Variants in ANO1 observed in about 807,000 individuals in gnomAD.
ANO1 encodes anoctamin-1.
Under a neutral mutation model 124.0 loss-of-function variants are expected in ANO1, and 59 were observed. The observed-to-expected ratio is 0.48, with a 90% CI of 0.39 to 0.59. The LOEUF (loss-of-function observed/expected upper bound fraction) is 0.59, where lower values mean the gene tolerates loss of function less well. ANO1 is among the 20% of genes least tolerant of loss of function. The pLI, the probability that ANO1 is intolerant of heterozygous loss-of-function variation, is 0.00. For synonymous variants in ANO1, 529 were observed against 532.0 expected (o/e 0.99, Z 0.08); for missense variants, 1,059 against 1,328.0 (o/e 0.80, Z 3.15).
chr11:70,045,109 G>T (rs1857238886), intron 1 of ANO1, among the ~76,000 whole-genome samples: 1 of 152,152 alleles, frequency 6.6e-6, no homozygotes, highest in African/African-American at 2.4e-5. Flanking sequence ...AGGCAAGTAA[G>T]AAATATAAGG....
intron 21 of ANO1, 48 bp downstream of exon 21, chr11:70,167,435 C>A: frequency 3.2e-6 from 5 of 1,571,170 alleles, no homozygotes; most frequent in Non-Finnish European, 4.3e-6. Flanking sequence ...AGAAACAGGC[C>A]AGCATGCCAC....
intron 21 of ANO1, among the ~76,000 whole-genome samples, chr11:70,169,650 C>T (rs2048381697): frequency 6.6e-6 from 1 of 152,186 alleles, no homozygotes; most frequent in African/African-American, 2.4e-5. Flanking sequence ...CTCATCCCCT[C>T]CAGGGGCCTC....
chr11:70,169,143 C>A (rs528408502), intron 21 of ANO1, among the ~76,000 whole-genome samples: 2 of 152,318 alleles, frequency 1.3e-5, no homozygotes, highest in South Asian at 4.1e-4. Flanking sequence ...ACGAGCACAG[C>A]CTGCAGTGGG....
At chr11:70,073,852 C>T (rs868972361), upstream of ANO1, among the ~76,000 whole-genome samples, 11 of 125,928 alleles carry the variant, frequency 8.7e-5, no homozygotes, top group South Asian at 3.3e-4. Context: ...CCCCGCCCCC[C>T]ACCCCCAAGA....
chr11:70,000,476 C>T (rs1319417113), intron 1 of ANO1, among the ~76,000 whole-genome samples: 1 of 128,868 alleles, frequency 7.8e-6, no homozygotes, highest in Non-Finnish European at 1.7e-5. Context: ...TACCATCATA[C>T]ACCCACCTGA....
chr11:70,106,805 CCATT>C (rs1314377001), intron 5 of ANO1, among the ~76,000 whole-genome samples: 1 of 152,212 alleles, frequency 6.6e-6, no homozygotes, highest in African/African-American at 2.4e-5. Flanking sequence ...CTCCTCCACA[CCATT>C]CAATCTGTCC....
At chr11:70,029,756 A>T (rs781907566) in intron 1 of ANO1, among the ~76,000 whole-genome samples, 1 of 151,814 alleles carries the variant, frequency 6.6e-6, no homozygotes, top group Non-Finnish European at 1.5e-5. Flanking sequence ...AGCAGGCCAC[A>T]CTCCCTCTAG....
chr11:70,143,084 C>T (rs1386704110), intron 11 of ANO1, among the ~76,000 whole-genome samples: 1 of 152,198 alleles, frequency 6.6e-6, no homozygotes, highest in Admixed American at 6.5e-5. Context: ...GCAGGATGCA[C>T]CCCTGCTCTG....
chr11:70,013,371 C>A (rs1856635098), intron 1 of ANO1, among the ~76,000 whole-genome samples: 1 of 151,574 alleles, frequency 6.6e-6, no homozygotes, highest in Admixed American at 6.5e-5. Flanking sequence ...AGCAGGGCCA[C>A]ACCAGGCTTG....
chr11:70,090,020 T>C (rs2044563294), intron 2 of ANO1, among the ~76,000 whole-genome samples: 1 of 151,344 alleles, frequency 6.6e-6, no homozygotes, highest in Non-Finnish European at 1.5e-5. Flanking sequence ...TGTTTGTTTG[T>C]TTGTTTGTTT....
At chr11:70,138,236 T>C (rs1157327310) in intron 11 of ANO1, among the ~76,000 whole-genome samples, 1 of 145,382 alleles carries the variant, frequency 6.9e-6, no homozygotes, top group Non-Finnish European at 1.5e-5. Context: ...TCCCAGCTAC[T>C]TGGGAGTCTG....
chr11:70,163,023 G>A (rs539504983), intron 18 of ANO1, among the ~76,000 whole-genome samples: 24 of 152,344 alleles, frequency 1.6e-4, no homozygotes, highest in Admixed American at 1.2e-3. Flanking sequence ...GCCCCTTCCC[G>A]CTGCCTCTCA....
chr11:69,983,208 G>T (rs889075933), upstream of ANO1, among the ~76,000 whole-genome samples: 2 of 151,984 alleles, frequency 1.3e-5, no homozygotes, highest in Admixed American at 6.6e-5. Flanking sequence ...CCGGCTTGGG[G>T]TAGGTCTGTG....
intron 1 of ANO1, among the ~76,000 whole-genome samples, chr11:70,047,028 C>T (rs1447493681): frequency 1.4e-5 from 2 of 138,790 alleles, no homozygotes; most frequent in African/African-American, 5.6e-5. Context: ...TGCAGTGAGC[C>T]AAGATCACGC....
chr11:70,157,029 C>T lies in ANO1; in HGVS notation c.1578+8C>T. On this transcript the variant is annotated splice_region_variant and intron_variant, in intron 16 of 25. Transcript: ENST00000355303. Reference sequence around the variant, plus strand: ...GTCTCCATCATCTTCATGGTAAGTTCCAGAAGGTTAAGGCCAGACGAAGTC... The same window carrying T: ...GTCTCCATCATCTTCATGGTAAGTTTCAGAAGGTTAAGGCCAGACGAAGTC... 1.2e-6 allele frequency: 2 copies of T among 1,612,038 alleles called. No homozygotes were observed. Among genetic ancestry groups the T allele is most frequent in the Non-Finnish European group, 1.7e-6 (2 of 1,178,948 alleles).
chr11:70,117,835 T>C (rs1430276336), intron 8 of ANO1, among the ~76,000 whole-genome samples: 2 of 152,106 alleles, frequency 1.3e-5, no homozygotes, highest in Non-Finnish European at 2.9e-5. Context: ...CCCATACATG[T>C]TTTTAAATCT....
At chr11:69,968,701 A>G in the ANO1 span, among the ~76,000 whole-genome samples, 1 of 152,182 alleles carries the variant, frequency 6.6e-6, no homozygotes, top group African/African-American at 2.4e-5. Context: ...AGCTGGTCTG[A>G]GCCACTCACA....
chr11:69,992,015 A>C (rs1457686463), intron 1 of ANO1, among the ~76,000 whole-genome samples: 2 of 152,240 alleles, frequency 1.3e-5, no homozygotes, highest in South Asian at 4.1e-4. Context: ...TTCGTCCACC[A>C]CTTCTGTCTC....
At chr11:70,080,769 G>C (rs530518423) in intron 1 of ANO1, among the ~76,000 whole-genome samples, 2 of 152,322 alleles carry the variant, frequency 1.3e-5, no homozygotes, top group East Asian at 3.9e-4. Flanking sequence ...AGCTTGGAAG[G>C]CTGAATCAGA....
Sources: allele counts gnomAD v4.1 joint callset (sites outside exome capture counted in the v4.1 genomes callset), GRCh38; gene constraint gnomAD v4.1.1; transcripts MANE v1.5; gene names NCBI Gene and HGNC (gene_info 2026-07-23, HGNC 2026-07-21).